Variants in DIP2B observed in about 807,000 individuals in gnomAD.
DIP2B encodes DIP2 acetate--CoA ligase B (putative), also known as disco-interacting protein 2 homolog B.
DIP2B carries 76 observed loss-of-function variants against 198.0 expected under a neutral mutation model. That is an observed-to-expected ratio of 0.38 (90% CI 0.32 to 0.46). The LOEUF is 0.46. Among genes scored for constraint, DIP2B ranks in the 20% least tolerant of loss-of-function variants. The pLI is 0.99. For synonymous variants in DIP2B, 701 were observed against 739.1 expected (o/e 0.95, Z 0.84); for missense variants, 1,559 against 1,978.4 (o/e 0.79, Z 4.02).
At chr12:50,708,115 C>A (rs902047607) in intron 21 of DIP2B, among the ~76,000 whole-genome samples, 1 of 151,930 alleles carries the variant, frequency 6.6e-6, no homozygotes, top group African/African-American at 2.4e-5. Context: ...AGTAATACGC[C>A]ACCCTACACA....
At chr12:50,613,498 G>A (rs143484898) in intron 1 of DIP2B, among the ~76,000 whole-genome samples, 1 of 152,012 alleles carries the variant, frequency 6.6e-6, no homozygotes, top group Non-Finnish European at 1.5e-5. Flanking sequence ...ACCCTTTTTC[G>A]TAGAGAAAAG....
At chr12:50,729,158 AGACCTGCATTT>A (rs1341623345) in intron 30 of DIP2B, among the ~76,000 whole-genome samples, 1 of 152,134 alleles carries the variant, frequency 6.6e-6, no homozygotes, top group Non-Finnish European at 1.5e-5. Context: ...ACCTCATCTC[AGACCTGCATTT>A]TCACCTCCTT....
In DIP2B at chr12:50,714,583, G is replaced by A. The variant is rs777839171; in HGVS notation, c.2838G>A (p.Arg946=). The A allele has an allele frequency of 6.2e-7, 1 of 1,613,934 alleles. No individual in the cohort carries two copies. The highest frequency in any genetic ancestry group is 1.1e-5 in the South Asian group (1 of 91,078). The change falls in exon 23 of 38, where the codon CGG becomes CGA. Residue 946 remains arginine, a synonymous_variant. Transcript: ENST00000301180. The part of the protein sequence containing the change: ...HTCVTNLPKP[R]QKQPGVGPAS... ...GTGTGACAAACTTGCCAAAGCCCCGGCAAAAACAACCAGGTAATATGCTGG... is the reference window on the plus strand; with the variant it reads ...GTGTGACAAACTTGCCAAAGCCCCGACAAAAACAACCAGGTAATATGCTGG...
chr12:50,606,856 A>T (rs1958986428), intron 1 of DIP2B, among the ~76,000 whole-genome samples: 1 of 151,492 alleles, frequency 6.6e-6, no homozygotes, highest in African/African-American at 2.4e-5. Context: ...ACCTGGGCTA[A>T]AGTTCAGTGG....
intron 1 of DIP2B, among the ~76,000 whole-genome samples, chr12:50,560,343 C>T (rs1211148223): frequency 6.1e-5 from 9 of 147,946 alleles, no homozygotes; most frequent in South Asian, 2.1e-4. Context: ...TGCAGTGAGC[C>T]GAGATCGCAG....
At chr12:50,505,990 T>C (rs1052368502) in intron 1 of DIP2B, among the ~76,000 whole-genome samples, 2 of 151,752 alleles carry the variant, frequency 1.3e-5, no homozygotes, top group Non-Finnish European at 2.9e-5. Context: ...TTCTTTCTTT[T>C]GACAATGGAT....
At position 50,542,327 on chromosome 12, in the gene DIP2B, G is replaced by A. The variant is rs577636102; in HGVS notation, c.100+37087G>A. ...AAGAGAATGGGAAAAGGCTGCATTT[G>A]TCTTGGAATTTATAAATGTATTCAA... is the stretch of plus-strand genomic sequence containing the variant. On this transcript the variant is annotated intron_variant, in intron 1 of 37. Coordinates refer to ENST00000301180, the MANE Select transcript of DIP2B (RefSeq NM_173602.3). Among the ~76,000 whole-genome samples, 5 of 151,802 alleles carry A rather than the reference G, an allele frequency of 3.3e-5. No individual in the cohort carries two copies. In the East Asian group the frequency reaches 7.7e-4, roughly 23 times the overall value.
chr12:50,678,951 T>C (rs779053185), intron 8 of DIP2B, 75 bp downstream of exon 8: 2 of 1,494,430 alleles, frequency 1.3e-6, no homozygotes, highest in South Asian at 2.4e-5. Flanking sequence ...TTTATCTAGA[T>C]ACTTAGCAGT....
chr12:50,732,566 A>G, intron 32 of DIP2B, 30 bp downstream of exon 32: 1 of 1,612,604 alleles, frequency 6.2e-7, no homozygotes, highest in Non-Finnish European at 8.5e-7. Flanking sequence ...GTCTGTTGAC[A>G]AATGGGAGAG....
intron 4 of DIP2B, among the ~76,000 whole-genome samples, 193 bp from the exon 5 acceptor site, chr12:50,670,993 G>A (rs1938842442): frequency 6.6e-6 from 1 of 152,174 alleles, no homozygotes; most frequent in Admixed American, 6.5e-5. Flanking sequence ...TATGGAGTTA[G>A]GCTATTTTAT....
chr12:50,698,679 C>G (rs1009992791), intron 18 of DIP2B, among the ~76,000 whole-genome samples: 1 of 152,170 alleles, frequency 6.6e-6, no homozygotes, highest in Non-Finnish European at 1.5e-5. Flanking sequence ...GCTTCAAGTC[C>G]ATTTCTTTAC....
At chr12:50,649,509 T>C (rs1012472504) in intron 3 of DIP2B, among the ~76,000 whole-genome samples, 1 of 152,150 alleles carries the variant, frequency 6.6e-6, no homozygotes, top group African/African-American at 2.4e-5. Flanking sequence ...TAAATGACAC[T>C]AGGACAGCTG....
chr12:50,695,162 A>T, intron 14 of DIP2B, 105 bp from the exon 15 acceptor site: 1 of 828,010 alleles, frequency 1.2e-6, no homozygotes, highest in Non-Finnish European at 1.9e-6. Context: ...TGTGTATTTG[A>T]GTATTACTTG....
At chr12:50,615,036 C>G (rs756546862) in intron 1 of DIP2B, among the ~76,000 whole-genome samples, 12 of 152,190 alleles carry the variant, frequency 7.9e-5, no homozygotes, top group Non-Finnish European at 1.5e-4. Context: ...ATGCCTGGCA[C>G]ATGCACCATT....
intron 10 of DIP2B, 34 bp downstream of exon 10, chr12:50,683,282 G>A (rs1939075949): frequency 6.4e-7 from 1 of 1,554,280 alleles, no homozygotes; most frequent in South Asian, 1.2e-5. Context: ...AATGTAGCCT[G>A]ATGTGACATG....
At chr12:50,631,661 G>A (rs1321949169) in intron 2 of DIP2B, among the ~76,000 whole-genome samples, 1 of 152,074 alleles carries the variant, frequency 6.6e-6, no homozygotes, top group Non-Finnish European at 1.5e-5. Flanking sequence ...TCGAACTCTT[G>A]GCCTCAACTG....
intron 4 of DIP2B, among the ~76,000 whole-genome samples, chr12:50,669,115 CTG>C (rs943145933): frequency 3.3e-5 from 5 of 152,134 alleles, no homozygotes; most frequent in African/African-American, 1.2e-4. Flanking sequence ...AAATCCCTGA[CTG>C]TGGTTGGTTC....
chr12:50,698,306 C>T (rs749127201), intron 17 of DIP2B, 22 bp from the exon 18 acceptor site: 3 of 1,601,764 alleles, frequency 1.9e-6, no homozygotes, highest in Non-Finnish European at 2.6e-6. Flanking sequence ...ATTCACCAAA[C>T]TTGATGGGTT....
chr12:50,664,836 G>GTT (rs1159665939), intron 4 of DIP2B, among the ~76,000 whole-genome samples: 7 of 15,926 alleles, frequency 4.4e-4, no homozygotes, highest in African/African-American at 1.0e-3. Flanking sequence ...TTTGGTTTTT[G>GTT]TTTTTTTTTT....
Sources: allele counts gnomAD v4.1 joint callset (sites outside exome capture counted in the v4.1 genomes callset), GRCh38; gene constraint gnomAD v4.1.1; transcripts MANE v1.5; gene names NCBI Gene and HGNC (gene_info 2026-07-23, HGNC 2026-07-21).